Variants in CNTNAP5 observed in about 807,000 individuals in gnomAD.
CNTNAP5 encodes contactin-associated protein-like 5.
A neutral mutation model predicts 150.2 loss-of-function variants in CNTNAP5; 72 were observed. The ratio of observed to expected loss-of-function variants is 0.48; its 90% CI spans 0.40 to 0.58. The LOEUF is 0.58. CNTNAP5 is among the 20% of genes least tolerant of loss of function. The probability of loss-of-function intolerance (pLI) is 0.00; values close to 1 mark genes in which losing one functional copy is unlikely to be tolerated. For synonymous variants in CNTNAP5, 672 were observed against 619.8 expected (o/e 1.08, Z -1.25); for missense variants, 1,636 against 1,626.2 (o/e 1.01, Z -0.10).
intron 4 of CNTNAP5, among the ~76,000 whole-genome samples, chr2:124,427,276 C>A (rs1019711079): frequency 2.6e-5 from 4 of 152,096 alleles, no homozygotes; most frequent in South Asian, 2.1e-4. Context: ...GGGTAGGTAG[C>A]CAGGATTATG....
chr2:124,558,244 C>T (rs186274599), intron 10 of CNTNAP5, among the ~76,000 whole-genome samples: 113 of 152,186 alleles, frequency 7.4e-4, no homozygotes, highest in African/African-American at 2.6e-3. Flanking sequence ...TGGTGAGATT[C>T]AGGACAGCTT....
At chr2:124,500,411 A>T (rs1158334780) in intron 7 of CNTNAP5, among the ~76,000 whole-genome samples, 1 of 152,190 alleles carries the variant, frequency 6.6e-6, no homozygotes, top group African/African-American at 2.4e-5. Flanking sequence ...GGGGATTTAT[A>T]GCCAAGGAGT....
At chr2:124,307,781 C>A (rs1688728279) in intron 3 of CNTNAP5, among the ~76,000 whole-genome samples, 2 of 152,152 alleles carry the variant, frequency 1.3e-5, no homozygotes, top group African/African-American at 2.4e-5. Flanking sequence ...GATGATGTAG[C>A]AACCAGATTA....
Position 124,484,483 on chromosome 2 carries a change from T to C in CNTNAP5, c.1062+9601T>C, listed in dbSNP as rs1350824631. On this transcript the variant is annotated intron_variant, in intron 7 of 23. Coordinates refer to ENST00000682447, the MANE Select transcript of CNTNAP5 (RefSeq NM_001367498.1). ...TTTAGATAAAGTTTTTTAAGCTGTC[T>C]CTGCTTCAGTGTCCTTCATCTACAT... Among the ~76,000 whole-genome samples, 4 of 152,218 alleles carry C rather than the reference T, an allele frequency of 2.6e-5. No homozygotes were observed. In the East Asian group the frequency reaches 7.7e-4, roughly 29 times the overall value.
intron 3 of CNTNAP5, among the ~76,000 whole-genome samples, chr2:124,264,401 C>T (rs546774257): frequency 1.1e-3 from 160 of 142,204 alleles, no homozygotes; most frequent in East Asian, 2.8e-3. Flanking sequence ...CACACACACA[C>T]ACACACACAC....
chr2:124,119,036 C>A (rs982936541), intron 1 of CNTNAP5, among the ~76,000 whole-genome samples: 3 of 152,120 alleles, frequency 2.0e-5, no homozygotes, highest in Non-Finnish European at 2.9e-5. Flanking sequence ...GTGGATCAGA[C>A]CAAGCTCTTT....
chr2:124,567,805 G>A (rs1218032776), intron 11 of CNTNAP5, among the ~76,000 whole-genome samples: 1 of 151,220 alleles, frequency 6.6e-6, no homozygotes. Context: ...AAAGGAGCAG[G>A]TTTTTGATTG....
intron 1 of CNTNAP5, among the ~76,000 whole-genome samples, chr2:124,149,200 C>G (rs1684339822): frequency 6.6e-6 from 1 of 152,008 alleles, no homozygotes; most frequent in African/African-American, 2.4e-5. Context: ...TCATAGCCCT[C>G]ACTCTACTCT....
intron 13 of CNTNAP5, among the ~76,000 whole-genome samples, chr2:124,709,515 G>A: frequency 6.6e-6 from 1 of 152,106 alleles, no homozygotes; most frequent in East Asian, 1.9e-4. Context: ...AGTAAAGTTG[G>A]TTCAAATGGG....
chr2:124,481,282 C>A (rs1693757978), intron 7 of CNTNAP5, among the ~76,000 whole-genome samples: 1 of 152,142 alleles, frequency 6.6e-6, no homozygotes, highest in African/African-American at 2.4e-5. Context: ...CTAATACCAA[C>A]ATACTGGGGA....
chr2:124,529,647 C>G (rs1457217278), intron 10 of CNTNAP5, among the ~76,000 whole-genome samples: 1 of 152,136 alleles, frequency 6.6e-6, no homozygotes, highest in Non-Finnish European at 1.5e-5. Flanking sequence ...ATGTGTTAAT[C>G]AACGTGAGCT....
At chr2:124,417,719 T>C in intron 4 of CNTNAP5, 129 bp downstream of exon 4, 1 of 885,066 alleles carries the variant, frequency 1.1e-6, no homozygotes, top group Non-Finnish European at 1.7e-6. Context: ...CATATGCATA[T>C]TTAAAAATGT....
At chr2:124,116,605 G>C (rs1683435141) in intron 1 of CNTNAP5, among the ~76,000 whole-genome samples, 1 of 152,140 alleles carries the variant, frequency 6.6e-6, no homozygotes, top group Non-Finnish European at 1.5e-5. Flanking sequence ...ATGGTGATTG[G>C]GCTTTTCCTA....
intron 3 of CNTNAP5, among the ~76,000 whole-genome samples, chr2:124,372,710 G>A (rs975814298): frequency 4.6e-5 from 7 of 152,022 alleles, no homozygotes; most frequent in Non-Finnish European, 7.4e-5. Flanking sequence ...CTATGCTTAC[G>A]AATGTGTGGA....
At chr2:124,127,424 G>T (rs1025227310) in intron 1 of CNTNAP5, among the ~76,000 whole-genome samples, 7 of 152,096 alleles carry the variant, frequency 4.6e-5, no homozygotes, top group Non-Finnish European at 1.0e-4. Flanking sequence ...ACAAACAAAT[G>T]GAAGAACATT....
chr2:124,283,376 G>A (rs1688064387), intron 3 of CNTNAP5, among the ~76,000 whole-genome samples: 1 of 152,186 alleles, frequency 6.6e-6, no homozygotes, highest in Admixed American at 6.5e-5. Flanking sequence ...CCAGCTCAGG[G>A]GCAAAGAGGT....
chr2:124,717,103 T>C (rs184510924), intron 13 of CNTNAP5, among the ~76,000 whole-genome samples: 1 of 152,334 alleles, frequency 6.6e-6, no homozygotes, highest in Admixed American at 6.5e-5. Flanking sequence ...GAGCACCATC[T>C]TTTTTAACTG....
At chr2:124,355,073 T>G (rs1171483296) in intron 3 of CNTNAP5, among the ~76,000 whole-genome samples, 1 of 150,684 alleles carries the variant, frequency 6.6e-6, no homozygotes, top group Non-Finnish European at 1.5e-5. Context: ...TTTCTAATAC[T>G]CTATTTATAA....
chr2:124,408,033 A>G (rs1469002130), intron 3 of CNTNAP5, among the ~76,000 whole-genome samples: 2 of 151,728 alleles, frequency 1.3e-5, no homozygotes, highest in Non-Finnish European at 2.9e-5. Context: ...CGCGCACCGT[A>G]CGCCAGCCGA....
Sources: allele counts gnomAD v4.1 joint callset (sites outside exome capture counted in the v4.1 genomes callset), GRCh38; gene constraint gnomAD v4.1.1; transcripts MANE v1.5; gene names NCBI Gene and HGNC (gene_info 2026-07-23, HGNC 2026-07-21).